The following SLC16A2 variants were observed in gnomAD, a reference collection of about 807,000 sequenced individuals.
SLC16A2 encodes monocarboxylate transporter 8.
A neutral mutation model predicts 27.2 loss-of-function variants in SLC16A2; 3 were observed. The ratio of observed to expected loss-of-function variants is 0.11; its 90% CI spans 0.05 to 0.28. The LOEUF is 0.28. Ranked by LOEUF, SLC16A2 falls within the 10% of genes least tolerant of loss-of-function variation. SLC16A2 has a pLI of 1.00. For synonymous variants in SLC16A2, 202 were observed against 187.8 expected (o/e 1.08, Z -0.62); for missense variants, 295 against 458.5 (o/e 0.64, Z 3.26).
At chrX:74,489,970 T>C (rs73624301) in intron 1 of SLC16A2, among the ~76,000 whole-genome samples, 120 of 87,078 alleles carry the variant, frequency 1.4e-3, no homozygotes, top group East Asian at 3.5e-3. Flanking sequence ...GTCACACACA[T>C]ACACACACAC....
intron 4 of SLC16A2, among the ~76,000 whole-genome samples, chrX:74,528,784 T>C (rs759017735): frequency 8.9e-6 from 1 of 112,069 alleles, no homozygotes; most frequent in East Asian, 2.8e-4. Context: ...ATGCAAGCCA[T>C]CCTCATGTCC....
At chrX:74,435,524 TGC>T (rs1206426585) in intron 1 of SLC16A2, among the ~76,000 whole-genome samples, 1 of 66,598 alleles carries the variant, frequency 1.5e-5, no homozygotes, top group African/African-American at 8.6e-5. Flanking sequence ...TATATATATA[TGC>T]ATATATATAT....
At position 74,531,069 on chromosome X, in the gene SLC16A2, C is replaced by T. The variant is rs377185832; in HGVS notation, c.1400-264C>T. On this transcript the variant is annotated intron_variant, in intron 5 of 5. Transcript: ENST00000587091. Reference sequence around the variant, plus strand: ...TTTAAACTAGGTTTCCTCCTAACTCCGTAACTAGGTGTGACTAGATCTTAG... The same window carrying T: ...TTTAAACTAGGTTTCCTCCTAACTCTGTAACTAGGTGTGACTAGATCTTAG... Among the ~76,000 whole-genome samples, 5 of 112,229 alleles carry T rather than the reference C, an allele frequency of 4.5e-5. No individual in the cohort carries two copies. In the East Asian group the frequency reaches 1.1e-3, roughly 25 times the overall value.
intron 1 of SLC16A2, among the ~76,000 whole-genome samples, chrX:74,429,720 G>A (rs1443324580): frequency 8.9e-6 from 1 of 112,167 alleles, no homozygotes; most frequent in Non-Finnish European, 1.9e-5. Context: ...ACAGCAGGGT[G>A]TGTGATGTCT....
Position 74,421,895 on chromosome X carries a change from C to T in SLC16A2, c.258C>T (p.Arg86=). 8 of 1,210,290 alleles carry T rather than the reference C, an allele frequency of 6.6e-6. No individual in the cohort carries two copies. Among genetic ancestry groups the T allele is most frequent in the Non-Finnish European group, 7.8e-6 (7 of 894,953 alleles). The part of the protein sequence containing the change: ...EPEPTPTVET[R]GTARGFQPPE... ...AGCCCACGCCTACGGTAGAGACCCG[C>T]GGCACCGCGCGCGGCTTCCAGCCTC... Residue 86 remains arginine (R), a synonymous_variant, in exon 1 of 6, where the codon CGC becomes CGT. Coordinates refer to ENST00000587091, the MANE Select transcript of SLC16A2 (RefSeq NM_006517.5).
chrX:74,443,156 CT>C (rs143704684), intron 1 of SLC16A2, among the ~76,000 whole-genome samples: 1 of 111,133 alleles, frequency 9.0e-6, no homozygotes, highest in Non-Finnish European at 1.9e-5. Context: ...ATATTCCTCC[CT>C]TTTTTTTCAC....
At chrX:74,514,613 A>C (rs1930287430) in intron 1 of SLC16A2, among the ~76,000 whole-genome samples, 2 of 111,662 alleles carry the variant, frequency 1.8e-5, no homozygotes, top group African/African-American at 6.5e-5. Context: ...TTGCCCGGGT[A>C]TAACCTCCAA....
At chrX:74,448,302 ATTTTTTTTTTTTTTT>A (rs144467927) in intron 1 of SLC16A2, among the ~76,000 whole-genome samples, 3 of 64,274 alleles carry the variant, frequency 4.7e-5, no homozygotes, top group African/African-American at 1.3e-4. Context: ...AATCCTTTGG[ATTTTTTTTTTTTTTT>A]TTTTTTTTTT....
rs200307113 is a variant in SLC16A2 at position 74,481,117 on chromosome X, CTG to C, written c.431-39872_431-39871del. Among the ~76,000 whole-genome samples, 386 of 112,059 alleles carry C rather than the reference CTG, an allele frequency of 3.4e-3. 6 individuals are homozygous for C. In the East Asian group the frequency reaches 0.072, roughly 21 times the overall value. On this transcript the variant is annotated intron_variant, in intron 1 of 5. Coordinates refer to ENST00000587091, the MANE Select transcript of SLC16A2 (RefSeq NM_006517.5). ...GATTTATAATTTTTTCTATATGTAA[CTG>C]GAGTTAATTTGCTAGATTTTGTCAA...
intron 1 of SLC16A2, among the ~76,000 whole-genome samples, chrX:74,499,997 A>G (rs1370933996): frequency 1.8e-5 from 2 of 111,591 alleles, no homozygotes; most frequent in Admixed American, 9.5e-5. Context: ...GGGGAAAGCT[A>G]TACATATTTA....
At chrX:74,523,691 C>G (rs1930445566) in intron 2 of SLC16A2, among the ~76,000 whole-genome samples, 1 of 111,667 alleles carries the variant, frequency 9.0e-6, no homozygotes. Flanking sequence ...TATCCAGAAA[C>G]AAAGGCAGGA....
At chrX:74,484,901 A>G (rs1929687427) in intron 1 of SLC16A2, among the ~76,000 whole-genome samples, 1 of 111,822 alleles carries the variant, frequency 8.9e-6, no homozygotes, top group Non-Finnish European at 1.9e-5. Flanking sequence ...ATGGATGTGG[A>G]CAGGCATTTA....
At chrX:74,513,467 A>C (rs1168358670) in intron 1 of SLC16A2, among the ~76,000 whole-genome samples, 1 of 112,248 alleles carries the variant, frequency 8.9e-6, no homozygotes, top group African/African-American at 3.2e-5. Flanking sequence ...CAAAATGGGA[A>C]ACTGAATATA....
At chrX:74,499,209 T>G (rs1602133150) in intron 1 of SLC16A2, among the ~76,000 whole-genome samples, 1 of 111,317 alleles carries the variant, frequency 9.0e-6, no homozygotes, top group Non-Finnish European at 1.9e-5. Context: ...ATTCTTAATA[T>G]CTGATTAGTC....
At chrX:74,512,027 A>G (rs1454753846) in intron 1 of SLC16A2, among the ~76,000 whole-genome samples, 1 of 111,808 alleles carries the variant, frequency 8.9e-6, no homozygotes, top group African/African-American at 3.3e-5. Context: ...GCCTTCACCT[A>G]CATCCTCCTT....
At position 74,520,911 on chromosome X, in the gene SLC16A2, A is replaced by C. The variant is rs1409783109; in HGVS notation, c.431-79A>C. On this transcript the variant is annotated intron_variant, in intron 1 of 5. Transcript: ENST00000587091. ...TGCAATGCCCCCTGTGAAAGGCCAGAGAAGAAGAGCTGAGATACCAGCAGT... is the reference window on the plus strand; with the variant it reads ...TGCAATGCCCCCTGTGAAAGGCCAGCGAAGAAGAGCTGAGATACCAGCAGT... 4 of 1,107,614 alleles carry C rather than the reference A, an allele frequency of 3.6e-6. No individual in the cohort carries two copies. In the Admixed American group the frequency reaches 6.5e-5, roughly 18 times the overall value. The allele number at this position is 1,107,614 out of a possible 1,213,427, so 91.3% of individuals were successfully genotyped here.
intron 1 of SLC16A2, among the ~76,000 whole-genome samples, chrX:74,430,633 T>C (rs1928519816): frequency 8.9e-6 from 1 of 112,290 alleles, no homozygotes; most frequent in African/African-American, 3.2e-5. Flanking sequence ...AGAATGGCTA[T>C]TATTAAAAAA....
intron 1 of SLC16A2, among the ~76,000 whole-genome samples, chrX:74,493,524 G>A (rs1262249280): frequency 3.6e-5 from 4 of 111,923 alleles, no homozygotes; most frequent in African/African-American, 6.5e-5. Flanking sequence ...TCCCGTCCCC[G>A]AAGGACAGCA....
intron 1 of SLC16A2, among the ~76,000 whole-genome samples, chrX:74,455,718 T>C (rs937966046): frequency 7.2e-5 from 8 of 111,341 alleles, no homozygotes; most frequent in Non-Finnish European, 1.1e-4. Flanking sequence ...ATGGCAGCCA[T>C]GTGGGGAGCA....
Sources: allele counts gnomAD v4.1 joint callset (sites outside exome capture counted in the v4.1 genomes callset), GRCh38; gene constraint gnomAD v4.1.1; transcripts MANE v1.5; gene names NCBI Gene and HGNC (gene_info 2026-07-23, HGNC 2026-07-21).